DOCK3: variants seen among roughly 807,000 people sequenced by gnomAD.
The protein encoded by DOCK3 is dedicator of cytokinesis protein 3.
In DOCK3, 60 loss-of-function variants were observed where a neutral mutation model predicts 265.6. The observed-to-expected ratio is 0.23, with a 90% CI of 0.18 to 0.28. DOCK3 has a LOEUF of 0.28. Among genes scored for constraint, DOCK3 ranks in the 10% least tolerant of loss-of-function variants. The pLI, the probability that DOCK3 is intolerant of heterozygous loss-of-function variation, is 1.00. For missense variants in DOCK3, 1,981 were observed against 2,594.3 expected, an observed-to-expected ratio of 0.76 and a Z score of 5.14; for synonymous variants, 881 against 938.0, an observed-to-expected ratio of 0.94 and a Z score of 1.11.
intron 27 of DOCK3, among the ~76,000 whole-genome samples, chr3:51,297,863 T>C (rs147272160): frequency 0.012 from 1,758 of 152,142 alleles, 40 homozygotes; most frequent in African/African-American, 0.039. Flanking sequence ...CTAAATTTGT[T>C]GAGACTTTCT....
intron 3 of DOCK3, among the ~76,000 whole-genome samples, chr3:50,849,972 C>T (rs948814156): frequency 2.6e-5 from 4 of 151,758 alleles, no homozygotes; most frequent in African/African-American, 4.8e-5. Flanking sequence ...TTCAGTCTAC[C>T]GATAAAGCTT....
chr3:51,020,242 A>G (rs1053963953), intron 5 of DOCK3, among the ~76,000 whole-genome samples: 1 of 138,206 alleles, frequency 7.2e-6, no homozygotes, highest in Non-Finnish European at 1.5e-5. Context: ...GTTTTTTTTC[A>G]TGTTTGTTGG....
intron 3 of DOCK3, among the ~76,000 whole-genome samples, chr3:50,884,919 G>A (rs1205115904): frequency 1.3e-5 from 2 of 151,806 alleles, no homozygotes; most frequent in African/African-American, 4.8e-5. Context: ...TTGACATTAG[G>A]GTTTACTCTT....
intron 31 of DOCK3, among the ~76,000 whole-genome samples, chr3:51,313,811 ACT>A (rs2083223299): frequency 6.6e-6 from 1 of 151,908 alleles, no homozygotes. Flanking sequence ...ACTTTCCAAC[ACT>A]CTGGTTCCCT....
chr3:51,372,088 T>A (rs2087730198), intron 49 of DOCK3, among the ~76,000 whole-genome samples: 1 of 152,302 alleles, frequency 6.6e-6, no homozygotes, highest in East Asian at 1.9e-4. Context: ...GGGAAAGCAC[T>A]GTATCGGTCA....
chr3:50,911,339 G>A (rs2049842544), intron 4 of DOCK3, among the ~76,000 whole-genome samples: 1 of 152,010 alleles, frequency 6.6e-6, no homozygotes, highest in South Asian at 2.1e-4. Flanking sequence ...TTTGTATGTG[G>A]TGAGAAATGG....
At chr3:51,089,118 G>A (rs762975416) in intron 7 of DOCK3, 125 bp from the exon 8 acceptor site, 157 of 997,094 alleles carry the variant, frequency 1.6e-4, no homozygotes, top group Non-Finnish European at 2.3e-4. Flanking sequence ...ATTTTACAAA[G>A]TTATCAGAAT....
intron 49 of DOCK3, among the ~76,000 whole-genome samples, chr3:51,373,771 C>A (rs1325350483): frequency 2.6e-5 from 4 of 152,164 alleles, no homozygotes; most frequent in Non-Finnish European, 5.9e-5. Context: ...GTTCCATGAA[C>A]CCTGAGTTCA....
At chr3:50,891,670 T>C (rs1344216871) in intron 4 of DOCK3, among the ~76,000 whole-genome samples, 1 of 152,074 alleles carries the variant, frequency 6.6e-6, no homozygotes, top group Non-Finnish European at 1.5e-5. Context: ...AGTAATATCC[T>C]TTATTTATCA....
chr3:51,161,092 AAC>A lies in DOCK3; in HGVS notation c.1037+392_1037+393del, dbSNP rs1491060009. Among the ~76,000 whole-genome samples the A allele has an allele frequency of 2.5e-4, 38 of 149,394 alleles. 4 individuals carry two copies. Among genetic ancestry groups the A allele is most frequent in the Admixed American group, 7.3e-4 (11 of 15,014 alleles). ...CTCCGTTTCAAAGAAAAAAAAAAAA[AAC>A]AAAAACACCTTGTGGACACAGAATC... On this transcript the variant is annotated intron_variant, in intron 12 of 52. Transcript: ENST00000266037.
chr3:51,054,699 C>T (rs1207998965), intron 5 of DOCK3, among the ~76,000 whole-genome samples: 5 of 152,044 alleles, frequency 3.3e-5, no homozygotes, highest in Non-Finnish European at 7.4e-5. Flanking sequence ...AGGCAGGATT[C>T]CTCAATTTTG....
chr3:50,722,463 A>G (rs1203385225), intron 1 of DOCK3, among the ~76,000 whole-genome samples: 2 of 152,252 alleles, frequency 1.3e-5, no homozygotes. Flanking sequence ...GAAATAAATC[A>G]AAATTTAAGC....
At chr3:51,079,097 G>A (rs2109412101) in intron 7 of DOCK3, among the ~76,000 whole-genome samples, 1 of 152,212 alleles carries the variant, frequency 6.6e-6, no homozygotes, top group African/African-American at 2.4e-5. Context: ...GTGTTAACAT[G>A]TAAATCTATT....
intron 51 of DOCK3, among the ~76,000 whole-genome samples, chr3:51,378,158 T>A (rs895835412): frequency 6.6e-6 from 1 of 152,164 alleles, no homozygotes. Flanking sequence ...AACAGCTAAG[T>A]GTCTTGCCTG....
At chr3:51,091,645 T>C (rs2109581578) in intron 9 of DOCK3, among the ~76,000 whole-genome samples, 1 of 137,548 alleles carries the variant, frequency 7.3e-6, no homozygotes, top group South Asian at 2.3e-4. Context: ...ATGGTGCCAC[T>C]GCACTATAGC....
chr3:50,753,354 T>C (rs985801610), intron 1 of DOCK3, among the ~76,000 whole-genome samples: 5 of 151,996 alleles, frequency 3.3e-5, no homozygotes, highest in Non-Finnish European at 5.9e-5. Context: ...AATTTTTCTT[T>C]TTTTTTGAGA....
At chr3:50,904,484 G>T (rs1022840837) in intron 4 of DOCK3, among the ~76,000 whole-genome samples, 4 of 152,142 alleles carry the variant, frequency 2.6e-5, no homozygotes, top group African/African-American at 9.7e-5. Flanking sequence ...ATCTCATTGT[G>T]GTTTTGATTT....
intron 27 of DOCK3, among the ~76,000 whole-genome samples, chr3:51,295,312 C>G (rs2082020219): frequency 2.0e-5 from 3 of 152,162 alleles, no homozygotes; most frequent in Admixed American, 1.3e-4. Context: ...AGAGAGAAAT[C>G]AAGAAAGAGG....
At chr3:51,198,353 T>C (rs9864574) in intron 12 of DOCK3, among the ~76,000 whole-genome samples, 138,814 of 152,220 alleles carry the variant, frequency 0.91, 63,439 homozygotes, top group African/African-American at 0.96. Context: ...TCTTTGAACA[T>C]GGTTTGTGAA....
Sources: gnomAD v4.1 joint callset for allele counts (sites outside exome capture counted in the v4.1 genomes callset) on GRCh38, gnomAD v4.1.1 for gene constraint, MANE v1.5 for transcripts, NCBI Gene and HGNC (gene_info 2026-07-23, HGNC 2026-07-21) for gene names.